Variants in SHPRH observed in about 807,000 individuals in gnomAD.
The protein encoded by SHPRH is SNF2 histone linker PHD RING helicase, also known as E3 ubiquitin-protein ligase SHPRH.
In SHPRH, 106 loss-of-function variants were observed where a neutral mutation model predicts 202.5. That is an observed-to-expected ratio of 0.52 (90% CI 0.45 to 0.62). The LOEUF (loss-of-function observed/expected upper bound fraction) is 0.62. SHPRH is among the 20% of genes least tolerant of loss of function. The pLI is 0.00. For missense variants in SHPRH, 1,710 were observed against 2,020.0 expected (o/e 0.85, Z 2.94); for synonymous variants, 729 against 686.0 (o/e 1.06, Z -0.98).
Position 145,921,242 on chromosome 6 carries a change from A to C in SHPRH, c.3933T>G (p.His1311Gln). Residue 1311 changes from histidine to glutamine, a missense_variant, in exon 21 of 30, where the codon CAT (histidine) becomes CAG (glutamine). By Grantham distance (24) the His-to-Gln change is conservative (BLOSUM62 0). Transcript: ENST00000275233. Reference sequence around the variant, plus strand: ...CATCAACAAATTCAACATCAAACCTATGTGATTTTGCAAATGATAGTATTG... The same window carrying C: ...CATCAACAAATTCAACATCAAACCTCTGTGATTTTGCAAATGATAGTATTG... ...MKAILSFAKSHRFDVEFVDEG... is the reference protein window; with the variant it reads ...MKAILSFAKSQRFDVEFVDEG... 6.2e-7 allele frequency: 1 copy of C among 1,612,780 alleles called. No homozygotes were observed. Among genetic ancestry groups the C allele is most frequent in the Non-Finnish European group, 8.5e-7 (1 of 1,179,246 alleles).
intron 20 of SHPRH, among the ~76,000 whole-genome samples, chr6:145,921,954 A>G (rs1027191842): frequency 1.4e-4 from 22 of 152,058 alleles, no homozygotes; most frequent in African/African-American, 5.1e-4. Flanking sequence ...TATGCCGGAC[A>G]TTATGAGTTC....
intron 28 of SHPRH, among the ~76,000 whole-genome samples, chr6:145,888,805 C>T (rs1781334897): frequency 6.6e-6 from 1 of 152,064 alleles, no homozygotes; most frequent in South Asian, 2.1e-4. Flanking sequence ...GGTGGATGCA[C>T]TATGGTTGTG....
chr6:145,857,867 A>C, the SHPRH span, among the ~76,000 whole-genome samples: 1 of 152,100 alleles, frequency 6.6e-6, no homozygotes, highest in Non-Finnish European at 1.5e-5. Context: ...ACTTTTACTC[A>C]ACCATAAGAA....
At chr6:145,869,432 T>C (rs1437164952) in intron 2 of SHPRH, among the ~76,000 whole-genome samples, 7 of 152,170 alleles carry the variant, frequency 4.6e-5, no homozygotes, top group Admixed American at 4.6e-4. Context: ...GCGATCTAGA[T>C]TTTCTTCTAT....
At chr6:145,957,864 A>G (rs1327260045) in intron 1 of SHPRH, among the ~76,000 whole-genome samples, 1 of 152,178 alleles carries the variant, frequency 6.6e-6, no homozygotes, top group Non-Finnish European at 1.5e-5. Context: ...AATCCACAAA[A>G]ATTTAAACTT....
At chr6:145,897,147 C>T (rs1323661221) in intron 25 of SHPRH, among the ~76,000 whole-genome samples, 1 of 151,098 alleles carries the variant, frequency 6.6e-6, no homozygotes, top group Non-Finnish European at 1.5e-5. Context: ...AATGGACAAC[C>T]CTTTAGGTAG....
rs1786800393 is a variant in SHPRH at position 145,941,743 on chromosome 6, C to G, written c.2370G>C (p.Glu790Asp). Residue 790 changes from glutamate (E) to aspartate (D), a missense_variant, in exon 10 of 30, where the codon GAG becomes GAC. Transcript: ENST00000275233. Reference sequence around the variant, plus strand: ...TCTGGTTCCGTAGGCGACGCCCATCCTCACTATTGCTATGTGGGATATCGA... The same window carrying G: ...TCTGGTTCCGTAGGCGACGCCCATCGTCACTATTGCTATGTGGGATATCGA... ...NYVDIPHSNS[E>D]DGRRLRNQKR... 1 of 1,613,908 alleles carries G rather than the reference C, an allele frequency of 6.2e-7. No homozygotes were observed. Among genetic ancestry groups the G allele is most frequent in the South Asian group, 1.1e-5 (1 of 91,080 alleles).
chr6:145,896,603 G>C (rs1782032769), intron 25 of SHPRH, among the ~76,000 whole-genome samples: 1 of 151,942 alleles, frequency 6.6e-6, no homozygotes. Context: ...CTACAGTTCT[G>C]AACCATTTTG....
chr6:145,886,902 A>G (rs1781068876), intron 29 of SHPRH, 115 bp from the exon 30 acceptor site: 8 of 1,052,882 alleles, frequency 7.6e-6, no homozygotes, highest in Non-Finnish European at 1.1e-5. Context: ...TAATTGGGAT[A>G]TAAGAAACTC....
chr6:145,940,735 T>A lies in SHPRH; in HGVS notation c.2557A>T (p.Arg853Ter). 1.9e-6 allele frequency: 3 copies of A among 1,613,748 alleles called. No individual in the cohort carries two copies. The highest frequency in any genetic ancestry group is 2.5e-6 in the Non-Finnish European group (3 of 1,179,772). The change falls in exon 11 of 30, where the codon AGA (arginine) becomes TGA (stop). Residue 853 changes from arginine (R) to a stop codon, truncating the protein, a stop_gained. Transcript: ENST00000275233. LOFTEE classifies it high-confidence loss of function. ...AACCATACATTACCCTCTAATCCTC[T>A]CTGTACTGGAGTGCCACTGATACAC... ...RWCISGTPVQ[R>*]GLEDLFGLVV... is the part of the protein sequence containing the mutation.
intron 29 of SHPRH, 120 bp downstream of exon 29, chr6:145,887,900 T>G: frequency 1.4e-6 from 1 of 715,196 alleles, no homozygotes; most frequent in Non-Finnish European, 2.4e-6. Context: ...CGTCAGACTT[T>G]GCTTTTAAAA....
intron 11 of SHPRH, among the ~76,000 whole-genome samples, chr6:145,936,978 C>CTTTTTTTTTTTTTT: frequency 8.0e-6 from 1 of 125,662 alleles, no homozygotes; most frequent in Non-Finnish European, 1.7e-5. Flanking sequence ...CATGCTTCAT[C>CTTTTTTTTTTTTTT]TTTTTTTTTT....
intron 24 of SHPRH, among the ~76,000 whole-genome samples, chr6:145,911,511 T>A (rs1783490706): frequency 6.6e-6 from 1 of 152,186 alleles, no homozygotes; most frequent in Non-Finnish European, 1.5e-5. Context: ...TGGAGACTTT[T>A]GCCCTCTTTG....
intron 25 of SHPRH, chr6:145,903,431 G>GT (rs896825515): frequency 7.0e-6 from 1 of 143,166 alleles, no homozygotes; most frequent in South Asian, 2.2e-4. Flanking sequence ...GAGATACAGA[G>GT]TTTTTTTCTC....
rs1390044172 is a variant in SHPRH, at chr6:145,936,978, C to CTTCTTT, written c.2570-1538_2570-1537insAAAGAA. Reference sequence around the variant, plus strand: ...TAATCTTTTTGCACACATGCTTCATCTTTTTTTTTTTTTTTTTTTTTTTGA... The same window carrying CTTCTTT: ...TAATCTTTTTGCACACATGCTTCATCTTCTTTTTTTTTTTTTTTTTTTTTTTTTTGA... On this transcript the variant is annotated intron_variant, in intron 11 of 29. Transcript: ENST00000275233. Among the ~76,000 whole-genome samples the CTTCTTT allele has an allele frequency of 1.2e-4, 15 of 125,658 alleles. No homozygotes were observed. In the East Asian group the frequency reaches 1.9e-3, roughly 16 times the overall value. 82.4% of individuals were successfully genotyped at this position (125,658 alleles called of 152,430 possible).
Position 145,952,284 on chromosome 6 carries a change from G to A in SHPRH, c.763+65C>T, listed in dbSNP as rs1029049501. 1.2e-4 allele frequency: 162 copies of A among 1,405,068 alleles called. 1 individual carries two copies. The highest frequency in any genetic ancestry group is 1.5e-4 in the Non-Finnish European group (156 of 1,040,936). 87.0% of individuals were successfully genotyped at this position (1,405,068 alleles called of 1,614,324 possible). A position where few individuals can be genotyped will look rare whatever the true frequency, so the allele number is the denominator to read the frequency against. On this transcript the variant is annotated intron_variant, in intron 3 of 29. Coordinates refer to ENST00000275233, the MANE Select transcript of SHPRH (RefSeq NM_001042683.3). ...CTGTTTTTCTGATTGTTATGTCCAG[G>A]GGTTAGAGGAAAAAACTCACAACTC... is the stretch of plus-strand genomic sequence containing the variant.
chr6:145,868,324 T>C lies in SHPRH; in HGVS notation c.222-3833A>G, dbSNP rs1483850160. 3.3e-5 allele frequency among the ~76,000 whole-genome samples: 5 copies of C among 152,208 alleles called. No individual in the cohort carries two copies. In the East Asian group the frequency reaches 5.8e-4, roughly 18 times the overall value. ...GTTAGGACCTCAACGTACAACTTTT[T>C]TGAAGTGGAGATACAATTCATCCCA... On this transcript the variant is annotated intron_variant, in intron 2 of 2. Coordinates refer to the SHPRH transcript ENST00000417762.
In SHPRH at chr6:145,872,837, G is replaced by A. The variant is rs12206201; in HGVS notation, c.222-8346C>T. Among the ~76,000 whole-genome samples the A allele has an allele frequency of 4.7e-3, 720 of 152,306 alleles. 2 individuals carry two copies. The highest frequency in any genetic ancestry group is 7.4e-3 in the Non-Finnish European group (502 of 68,036). ...TAAAGAAAATGTACATATACAACAT[G>A]GAATACTATGCAGGCATAAAAAGGA... On this transcript the variant is annotated intron_variant, in intron 2 of 2. Coordinates refer to the SHPRH transcript ENST00000417762.
rs373095689 is a variant in SHPRH at position 145,952,415 on chromosome 6, T to C, written c.697A>G (p.Arg233Gly). 1.2e-5 allele frequency: 19 copies of C among 1,611,222 alleles called. No homozygotes were observed. Among genetic ancestry groups the C allele is most frequent in the African/African-American group, 8.0e-5 (6 of 74,794 alleles). ...KLDFLSDANS[R>G]MKKFNQLMKK... Reference sequence around the variant, plus strand: ...ATGAGCTGATTGAACTTTTTCATTCTTGAATTTGCATCACTCAAGAAGTCT... The same window carrying C: ...ATGAGCTGATTGAACTTTTTCATTCCTGAATTTGCATCACTCAAGAAGTCT... The change falls in exon 3 of 30, where the codon AGA becomes GGA. Residue 233 changes from arginine (R) to glycine (G), a missense_variant. Arg to Gly is a moderately radical substitution (Grantham distance 125, BLOSUM62 -2). Around this residue, in one of 8 missense-constraint regions of SHPRH, gnomAD observed 459 missense variants for 426.5 expected, o/e 1.08. Coordinates refer to ENST00000275233, the MANE Select transcript of SHPRH (RefSeq NM_001042683.3).
Sources: allele counts gnomAD v4.1 joint callset (sites outside exome capture counted in the v4.1 genomes callset), GRCh38; gene constraint gnomAD v4.1.1; regional missense constraint gnomAD v4.1.1; transcripts MANE v1.5; gene names NCBI Gene and HGNC (gene_info 2026-07-23, HGNC 2026-07-21).